The following EXPH5 variants were observed in gnomAD, a reference collection of about 807,000 sequenced individuals.
EXPH5 encodes exophilin 5.
Under a neutral mutation model 41.1 loss-of-function variants are expected in EXPH5, and 42 were observed. The ratio of observed to expected loss-of-function variants is 1.02; its 90% CI spans 0.80 to 1.32. The LOEUF (loss-of-function observed/expected upper bound fraction) is 1.32, where lower values mean the gene tolerates loss of function less well. EXPH5 is among the 40% of genes most tolerant of loss of function. The pLI, the probability that EXPH5 is intolerant of heterozygous loss-of-function variation, is 0.00. For synonymous variants in EXPH5, 798 were observed against 833.5 expected (o/e 0.96, Z 0.73); for missense variants, 2,298 against 2,314.5 (o/e 0.99, Z 0.15).
At chr11:108,532,457 T>C (rs1268251941) in intron 3 of EXPH5, among the ~76,000 whole-genome samples, 1 of 141,528 alleles carries the variant, frequency 7.1e-6, no homozygotes, top group Non-Finnish European at 1.5e-5. Context: ...TCAAGTGATC[T>C]GCCTGCCTTG....
chr11:108,517,918 C>G (rs1005564299), intron 5 of EXPH5, among the ~76,000 whole-genome samples: 5 of 152,106 alleles, frequency 3.3e-5, no homozygotes, highest in Non-Finnish European at 1.5e-5. Flanking sequence ...GCCACCATGC[C>G]TAGCTAATTT....
At chr11:108,592,693 A>G (rs192685116) in intron 1 of EXPH5, among the ~76,000 whole-genome samples, 14 of 152,260 alleles carry the variant, frequency 9.2e-5, no homozygotes, top group Admixed American at 1.3e-4. Flanking sequence ...CTAATCCCTC[A>G]CCTACAACAG....
In EXPH5 at chr11:108,536,272, C is replaced by G. The variant is rs538807602; in HGVS notation, c.443+2752G>C. 1.1e-3 allele frequency among the ~76,000 whole-genome samples: 165 copies of G among 148,328 alleles called. 2 individuals are homozygous for G. The highest frequency in any genetic ancestry group is 3.9e-3 in the African/African-American group (159 of 40,652). ...CATATTTGAGGCAGAAGTGGTAAAT[C>G]TTTTTGCCTTTTTTTTTTTTTTGAA... is the stretch of plus-strand genomic sequence containing the variant. On this transcript the variant is annotated intron_variant, in intron 3 of 5. Coordinates refer to ENST00000265843, the MANE Select transcript of EXPH5 (RefSeq NM_015065.3).
chr11:108,556,549 C>T (rs536416720), intron 1 of EXPH5, among the ~76,000 whole-genome samples: 3 of 151,960 alleles, frequency 2.0e-5, no homozygotes, highest in Non-Finnish European at 2.9e-5. Flanking sequence ...CTTGGCTCAC[C>T]GCAACCTCTG....
intron 1 of EXPH5, among the ~76,000 whole-genome samples, chr11:108,573,236 G>A (rs934223541): frequency 5.3e-5 from 8 of 152,096 alleles, no homozygotes; most frequent in Non-Finnish European, 1.0e-4. Context: ...AAGCAAACCA[G>A]CAAGGAAGCA....
At position 108,512,455 on chromosome 11, in the gene EXPH5, T is replaced by C. The variant is rs1337553965; in HGVS notation, c.3052A>G (p.Ile1018Val). 2 of 1,613,810 alleles carry C rather than the reference T, an allele frequency of 1.2e-6. No homozygotes were observed. Among genetic ancestry groups the C allele is most frequent in the South Asian group, 2.2e-5 (2 of 90,930 alleles). Residue 1018 changes from isoleucine (I) to valine (V), a missense_variant, in exon 6 of 6, where the codon ATT (isoleucine) becomes GTT (valine). Physicochemically the swap from Ile to Val is conservative, Grantham distance 29 (BLOSUM62 3). Coordinates refer to ENST00000265843, the MANE Select transcript of EXPH5 (RefSeq NM_015065.3). ...GATTTTCTTGGCAAGGTACAATAAATTGTGTCAAGTTCAGAAACTTTGGAA... is the reference window on the plus strand; with the variant it reads ...GATTTTCTTGGCAAGGTACAATAAACTGTGTCAAGTTCAGAAACTTTGGAA... ...SNSKVSELDTIYCTLPRKSSS... is the reference protein window; with the variant it reads ...SNSKVSELDTVYCTLPRKSSS...
In EXPH5 at chr11:108,514,782, A is replaced by T; in HGVS notation, c.725T>A (p.Phe242Tyr). Reference sequence around the variant, plus strand: ...GTTACCACTGGAATAAAAGTGACCGAACTGTGTTCTTGATCCATAGTTGAG... The same window carrying T: ...GTTACCACTGGAATAAAAGTGACCGTACTGTGTTCTTGATCCATAGTTGAG... ...TPLNYGSRTQFGHFYSSGNRH... is the reference protein window; with the variant it reads ...TPLNYGSRTQYGHFYSSGNRH... The change falls in exon 6 of 6, where the codon TTC becomes TAC. Residue 242 changes from phenylalanine (F) to tyrosine (Y), a missense_variant. Coordinates refer to ENST00000265843, the MANE Select transcript of EXPH5 (RefSeq NM_015065.3). 2 of 1,608,962 alleles carry T rather than the reference A, an allele frequency of 1.2e-6. No individual in the cohort carries two copies. Among genetic ancestry groups the T allele is most frequent in the Non-Finnish European group, 8.5e-7 (1 of 1,178,448 alleles).
chr11:108,516,256 CA>C (rs1298056358), intron 5 of EXPH5, among the ~76,000 whole-genome samples: 10 of 152,016 alleles, frequency 6.6e-5, no homozygotes, highest in Admixed American at 6.6e-4. Flanking sequence ...AGTCAGTGCC[CA>C]GGGGCCCCCT....
At chr11:108,521,490 T>G (rs902783506) in intron 4 of EXPH5, among the ~76,000 whole-genome samples, 2 of 152,168 alleles carry the variant, frequency 1.3e-5, no homozygotes, top group African/African-American at 4.8e-5. Context: ...GATAACTTAT[T>G]GGTCACTGAA....
In EXPH5 at chr11:108,514,947, G is replaced by A. The variant is rs185234598; in HGVS notation, c.632-72C>T. ...TTAATAATAATTTGAGTTATTGAAG[G>A]CTCCTTTTCAAGAAACATAATCATT... is the stretch of plus-strand genomic sequence containing the variant. On this transcript the variant is annotated intron_variant, in intron 5 of 5. Coordinates refer to ENST00000265843, the MANE Select transcript of EXPH5 (RefSeq NM_015065.3). 4.2e-6 allele frequency: 4 copies of A among 943,292 alleles called. No homozygotes were observed. The African/African-American group carries it at 5.1e-5, about 12-fold the overall frequency. The allele number at this position is 943,292 out of a possible 1,614,324, so 58.4% of individuals were successfully genotyped here.
In EXPH5 at chr11:108,510,972, G is replaced by A; in HGVS notation, c.4535C>T (p.Pro1512Leu). The change falls in exon 6 of 6, where the codon CCA becomes CTA. Residue 1512 changes from proline (P) to leucine (L), a missense_variant. Coordinates refer to ENST00000265843, the MANE Select transcript of EXPH5 (RefSeq NM_015065.3). ...HSESQVFALT[P>L]ALHKLQLGEE... ...ACCAAGCTGTAGTTTATGCAATGCTGGAGTAAGGGCAAAGACTTGACTCTC... is the reference window on the plus strand; with the variant it reads ...ACCAAGCTGTAGTTTATGCAATGCTAGAGTAAGGGCAAAGACTTGACTCTC... The A allele has an allele frequency of 1.9e-6, 3 of 1,614,096 alleles. No homozygotes were observed. The highest frequency in any genetic ancestry group is 4.5e-5 in the East Asian group (2 of 44,878).
chr11:108,548,412 C>G (rs537879282), intron 1 of EXPH5, among the ~76,000 whole-genome samples: 1 of 152,122 alleles, frequency 6.6e-6, no homozygotes, highest in Admixed American at 6.5e-5. Context: ...GAAATTCAGA[C>G]AGTAGTGTCA....
At chr11:108,589,989 T>A (rs999532643) in intron 1 of EXPH5, among the ~76,000 whole-genome samples, 4 of 152,224 alleles carry the variant, frequency 2.6e-5, no homozygotes, top group Non-Finnish European at 5.9e-5. Flanking sequence ...ATTACCACAA[T>A]AATTACTATT....
intron 1 of EXPH5, among the ~76,000 whole-genome samples, chr11:108,562,033 C>T (rs1347805112): frequency 2.6e-5 from 4 of 152,122 alleles, no homozygotes; most frequent in East Asian, 1.9e-4. Context: ...GGGTTGAGGC[C>T]GTTTCCTGTG....
intron 1 of EXPH5, among the ~76,000 whole-genome samples, chr11:108,542,252 A>G (rs2093916959): frequency 6.6e-6 from 1 of 152,126 alleles, no homozygotes; most frequent in Non-Finnish European, 1.5e-5. Flanking sequence ...TTAATGGAGG[A>G]GCAGCATAAT....
the EXPH5 span, among the ~76,000 whole-genome samples, chr11:108,601,225 A>C: frequency 6.6e-6 from 1 of 152,226 alleles, no homozygotes; most frequent in Admixed American, 6.5e-5. Context: ...AAAATATGCC[A>C]GTGCTTTAAT....
chr11:108,518,307 C>T lies in EXPH5; in HGVS notation c.559G>A (p.Ala187Thr). 3 of 1,613,944 alleles carry T rather than the reference C, an allele frequency of 1.9e-6. No homozygotes were observed. The highest frequency in any genetic ancestry group is 2.5e-6 in the Non-Finnish European group (3 of 1,179,850). The change falls in exon 5 of 6, where the codon GCA (alanine) becomes ACA (threonine). Residue 187 changes from alanine (A) to threonine (T), a missense_variant. Coordinates refer to ENST00000265843, the MANE Select transcript of EXPH5 (RefSeq NM_015065.3). The stretch of plus-strand genomic sequence containing the variant: ...ATGCCACTCTCCTCCCTCATGACTG[C>T]TGGCTTTGGGACAAATGTACTGTCA... ...LVDSTFVPKP[A>T]VMREESGMPP...
chr11:108,557,491 G>T (rs532581177), intron 1 of EXPH5, among the ~76,000 whole-genome samples: 67 of 152,230 alleles, frequency 4.4e-4, no homozygotes, highest in Admixed American at 4.3e-3. Context: ...GATTCCAGGC[G>T]CCTGCCACCA....
intron 1 of EXPH5, among the ~76,000 whole-genome samples, chr11:108,545,420 A>T (rs763050477): frequency 3.9e-5 from 6 of 152,178 alleles, no homozygotes; most frequent in South Asian, 4.1e-4. Context: ...CCCTAGAGAG[A>T]TTACAGTCTA....
Sources: gnomAD v4.1 joint callset for allele counts (sites outside exome capture counted in the v4.1 genomes callset) on GRCh38, gnomAD v4.1.1 for gene constraint, MANE v1.5 for transcripts, NCBI Gene and HGNC (gene_info 2026-07-23, HGNC 2026-07-21) for gene names.